The following PCDH15 variants were observed in gnomAD, a reference collection of about 807,000 sequenced individuals.
The protein encoded by PCDH15 is protocadherin-15.
Under a neutral mutation model 178.5 loss-of-function variants are expected in PCDH15, and 129 were observed. That is an observed-to-expected ratio of 0.72 (90% CI 0.63 to 0.84). The LOEUF (loss-of-function observed/expected upper bound fraction) is 0.84. Ranked by LOEUF, PCDH15 falls within the 40% of genes least tolerant of loss-of-function variation. The pLI is 0.00. For missense variants in PCDH15, 2,230 were observed against 2,099.9 expected (o/e 1.06, Z -1.21); for synonymous variants, 800 against 732.0 (o/e 1.09, Z -1.50).
chr10:53,959,792 G>GTT lies in PCDH15; in HGVS notation c.3061_3062insAA (p.Thr1021LysfsTer3). On this transcript the variant is annotated frameshift_variant, in exon 23 of 38. Coordinates refer to ENST00000644397, the MANE Select transcript of PCDH15 (RefSeq NM_001384140.1). LOFTEE classifies it high-confidence loss of function. ...AGGATGTAAGACAAGAATCTTCACT[G>GTT]TGGCACTGCTGGACATCACAGGCTC... 1 of 1,614,078 alleles carries GTT rather than the reference G, an allele frequency of 6.2e-7. No homozygotes were observed. The highest frequency in any genetic ancestry group is 8.5e-7 in the Non-Finnish European group (1 of 1,179,994).
intron 2 of PCDH15, among the ~76,000 whole-genome samples, chr10:55,592,223 C>T (rs1341935058): frequency 1.3e-5 from 2 of 152,112 alleles, no homozygotes; most frequent in Admixed American, 6.6e-5. Flanking sequence ...ACCCAGGAGG[C>T]TGAAATATAC....
intron 2 of PCDH15, among the ~76,000 whole-genome samples, chr10:54,593,388 T>C (rs117389648): frequency 3.3e-3 from 504 of 152,296 alleles, no homozygotes; most frequent in Non-Finnish European, 5.0e-3. Context: ...TTTTTCTACA[T>C]GTGGATATCC....
At chr10:55,186,762 T>TA (rs1304225339) in intron 1 of PCDH15, among the ~76,000 whole-genome samples, 14 of 151,336 alleles carry the variant, frequency 9.3e-5, no homozygotes, top group African/African-American at 2.7e-4. Context: ...TGTGTGTGTA[T>TA]TTTTTTTTCC....
intron 2 of PCDH15, among the ~76,000 whole-genome samples, chr10:55,373,963 G>A (rs1845562420): frequency 6.6e-6 from 1 of 151,466 alleles, no homozygotes; most frequent in African/African-American, 2.4e-5. Context: ...CTGGGGGAGG[G>A]ACAGCATTAG....
chr10:54,485,597 C>T (rs762430468), intron 3 of PCDH15, among the ~76,000 whole-genome samples: 90 of 151,938 alleles, frequency 5.9e-4, no homozygotes, highest in Non-Finnish European at 5.4e-4. Flanking sequence ...AGATATTAGC[C>T]AGTTGCTAGA....
At chr10:53,906,699 G>A (rs559706823) in intron 25 of PCDH15, among the ~76,000 whole-genome samples, 2 of 152,090 alleles carry the variant, frequency 1.3e-5, no homozygotes, top group Non-Finnish European at 2.9e-5. Context: ...AAATAATCAG[G>A]AAGTTGTAGA....
intron 25 of PCDH15, among the ~76,000 whole-genome samples, chr10:53,926,396 ATATCT>A (rs1262536426): frequency 1.7e-4 from 26 of 152,336 alleles, no homozygotes; most frequent in South Asian, 4.1e-4. Context: ...CCATTTCCAG[ATATCT>A]TAATTAAGTA....
chr10:54,327,521 A>G (rs1321314931), intron 7 of PCDH15, among the ~76,000 whole-genome samples: 2 of 151,334 alleles, frequency 1.3e-5, no homozygotes, highest in Non-Finnish European at 2.9e-5. Flanking sequence ...CTTAGCTTCA[A>G]AAATTAGATC....
chr10:54,079,183 C>T lies in PCDH15; in HGVS notation c.2091+148G>A, dbSNP rs1366472004. 5 of 806,586 alleles carry T rather than the reference C, an allele frequency of 6.2e-6. No individual in the cohort carries two copies. The African/African-American group carries it at 8.4e-5, about 14-fold the overall frequency. The allele number at this position is 806,586 out of a possible 1,614,324, so 50.0% of individuals were successfully genotyped here. ...AGAGTATAGGTGCATGTATTAATAG[C>T]CTGTTGAAGAAAAGAGCAACACTTC... is the stretch of plus-strand genomic sequence containing the variant. On this transcript the variant is annotated intron_variant, in intron 17 of 37. Coordinates refer to ENST00000644397, the MANE Select transcript of PCDH15 (RefSeq NM_001384140.1).
At chr10:54,744,657 G>A (rs886716377) in intron 1 of PCDH15, among the ~76,000 whole-genome samples, 3 of 151,864 alleles carry the variant, frequency 2.0e-5, no homozygotes, top group Non-Finnish European at 4.4e-5. Context: ...TATGGGAGGT[G>A]GTGAAAAGAT....
chr10:55,566,253 T>C (rs1411486553), intron 2 of PCDH15, among the ~76,000 whole-genome samples: 1 of 151,684 alleles, frequency 6.6e-6, no homozygotes, highest in African/African-American at 2.4e-5. Flanking sequence ...CAAAATTTTA[T>C]ACCCTTTCGT....
chr10:54,486,226 C>T (rs1335547894), intron 3 of PCDH15: 1 of 151,950 alleles, frequency 6.6e-6, no homozygotes, highest in Non-Finnish European at 1.5e-5. Context: ...CTCCATTAAG[C>T]TAAGACAGAA....
chr10:54,623,720 T>C (rs1318122200), intron 2 of PCDH15, among the ~76,000 whole-genome samples: 1 of 152,158 alleles, frequency 6.6e-6, no homozygotes, highest in Non-Finnish European at 1.5e-5. Flanking sequence ...AAAATTCATT[T>C]TCTTAATCAA....
intron 3 of PCDH15, among the ~76,000 whole-genome samples, chr10:54,888,307 T>C (rs1435483581): frequency 6.6e-6 from 1 of 152,100 alleles, no homozygotes; most frequent in African/African-American, 2.4e-5. Flanking sequence ...GTTATTTTTG[T>C]CTGACTTTAT....
intron 1 of PCDH15, among the ~76,000 whole-genome samples, chr10:55,254,745 G>A (rs1592024600): frequency 1.3e-5 from 2 of 152,272 alleles, no homozygotes; most frequent in Admixed American, 1.3e-4. Context: ...AATGGGGGAG[G>A]CTTTGTGAAG....
At chr10:54,256,692 T>C (rs1385466841) in intron 8 of PCDH15, among the ~76,000 whole-genome samples, 1 of 152,174 alleles carries the variant, frequency 6.6e-6, no homozygotes, top group Admixed American at 6.5e-5. Flanking sequence ...TTCCTTAGTA[T>C]CTCTGGTTTA....
At chr10:54,139,248 A>G (rs1379752170) in intron 14 of PCDH15, among the ~76,000 whole-genome samples, 1 of 152,038 alleles carries the variant, frequency 6.6e-6, no homozygotes, top group Non-Finnish European at 1.5e-5. Flanking sequence ...TGGCAAAAAT[A>G]CCCATATCTT....
intron 2 of PCDH15, among the ~76,000 whole-genome samples, chr10:55,141,369 A>C (rs2132089025): frequency 6.6e-6 from 1 of 152,150 alleles, no homozygotes; most frequent in South Asian, 2.1e-4. Context: ...AATTGCTGCA[A>C]AAAGCAAAAA....
At chr10:55,237,162 A>G (rs1027925161) in intron 1 of PCDH15, among the ~76,000 whole-genome samples, 91 of 152,248 alleles carry the variant, frequency 6.0e-4, no homozygotes, top group African/African-American at 2.2e-3. Context: ...TTTGTCAGGT[A>G]AACAATTTTT....
Sources: gnomAD v4.1 joint callset for allele counts (sites outside exome capture counted in the v4.1 genomes callset) on GRCh38, gnomAD v4.1.1 for gene constraint, MANE v1.5 for transcripts, NCBI Gene and HGNC (gene_info 2026-07-23, HGNC 2026-07-21) for gene names.